CADPS: variants seen among roughly 807,000 people sequenced by gnomAD.
CADPS encodes calcium dependent secretion activator, also known as calcium-dependent secretion activator 1.
CADPS carries 57 observed loss-of-function variants against 167.3 expected under a neutral mutation model. The observed-to-expected ratio is 0.34, with a 90% confidence interval of 0.28 to 0.42. The LOEUF is 0.42. Among genes scored for constraint, CADPS ranks in the 20% least tolerant of loss-of-function variants. CADPS has a pLI of 1.00. For missense variants in CADPS, 1,414 were observed against 1,738.1 expected (o/e 0.81, Z 3.32); for synonymous variants, 676 against 635.3 (o/e 1.06, Z -0.96).
chr3:62,626,669 C>T, intron 6 of CADPS: 1 of 663,810 alleles, frequency 1.5e-6, no homozygotes, highest in Admixed American at 2.2e-5. Context: ...GTTTGGAGTT[C>T]CTTCTGCAGG....
intron 6 of CADPS, among the ~76,000 whole-genome samples, chr3:62,614,054 A>C (rs1443877120): frequency 6.6e-6 from 1 of 152,086 alleles, no homozygotes; most frequent in Non-Finnish European, 1.5e-5. Flanking sequence ...AGATTGTTAA[A>C]CTCAAGGCTG....
intron 1 of CADPS, among the ~76,000 whole-genome samples, chr3:62,845,577 A>C (rs189913166): frequency 6.6e-6 from 1 of 152,314 alleles, no homozygotes; most frequent in East Asian, 1.9e-4. Context: ...GGGGATTTGG[A>C]GGATTTGGAT....
At chr3:62,576,041 A>C (rs2082201392) in intron 8 of CADPS, among the ~76,000 whole-genome samples, 1 of 152,178 alleles carries the variant, frequency 6.6e-6, no homozygotes, top group African/African-American at 2.4e-5. Flanking sequence ...TAGGATACAC[A>C]GTACCTGGAG....
intron 6 of CADPS, among the ~76,000 whole-genome samples, chr3:62,598,983 A>G (rs1011926467): frequency 1.3e-5 from 2 of 152,184 alleles, no homozygotes; most frequent in African/African-American, 2.4e-5. Context: ...AGGAAGCATC[A>G]AAAACCTTGG....
chr3:62,540,982 T>C (rs833673), intron 11 of CADPS, among the ~76,000 whole-genome samples: 14,223 of 152,160 alleles, frequency 0.093, 745 homozygotes, highest in East Asian at 0.18. Flanking sequence ...GATCACTTCC[T>C]TTGCCAATAT....
intron 1 of CADPS, among the ~76,000 whole-genome samples, chr3:62,864,785 C>A (rs552882235): frequency 4.3e-4 from 65 of 152,216 alleles, no homozygotes; most frequent in African/African-American, 1.6e-3. Context: ...AAACCCATAA[C>A]AAGAGCCAAG....
intron 3 of CADPS, among the ~76,000 whole-genome samples, chr3:62,696,798 G>A (rs1580636604): frequency 6.6e-6 from 1 of 151,942 alleles, no homozygotes; most frequent in African/African-American, 2.4e-5. Flanking sequence ...ATCAATTAGG[G>A]GACACAGGAT....
At chr3:62,661,379 A>G (rs780314585) in intron 4 of CADPS, among the ~76,000 whole-genome samples, 5 of 152,128 alleles carry the variant, frequency 3.3e-5, no homozygotes, top group South Asian at 2.1e-4. Context: ...GAGTTTGCTA[A>G]GTGAGGGGAG....
At chr3:62,606,375 A>G (rs1046054269) in intron 6 of CADPS, among the ~76,000 whole-genome samples, 3 of 152,168 alleles carry the variant, frequency 2.0e-5, no homozygotes, top group Non-Finnish European at 2.9e-5. Flanking sequence ...TTAATGGGTT[A>G]TCAAAGAACT....
intron 18 of CADPS, among the ~76,000 whole-genome samples, chr3:62,494,254 A>T (rs965872832): frequency 1.3e-5 from 2 of 152,198 alleles, no homozygotes; most frequent in Admixed American, 6.5e-5. Context: ...GGCTTACTCC[A>T]CTGACTACCT....
At chr3:62,725,344 T>C (rs1049916874) in intron 3 of CADPS, among the ~76,000 whole-genome samples, 22 of 152,236 alleles carry the variant, frequency 1.4e-4, no homozygotes, top group Non-Finnish European at 2.9e-4. Flanking sequence ...ACATGACTAA[T>C]GATTATGGTA....
intron 3 of CADPS, among the ~76,000 whole-genome samples, chr3:62,662,618 T>C (rs2073522504): frequency 6.6e-6 from 1 of 152,212 alleles, no homozygotes; most frequent in African/African-American, 2.4e-5. Flanking sequence ...TTGAACGACC[T>C]TGCAAAAGAA....
intron 7 of CADPS, among the ~76,000 whole-genome samples, chr3:62,590,053 G>C (rs2085590340): frequency 6.6e-6 from 1 of 152,074 alleles, no homozygotes; most frequent in Non-Finnish European, 1.5e-5. Context: ...GCCAGATGTG[G>C]TGGTAGGCAC....
chr3:62,564,902 G>A (rs1284730023), intron 9 of CADPS, among the ~76,000 whole-genome samples: 3 of 151,974 alleles, frequency 2.0e-5, no homozygotes, highest in Non-Finnish European at 4.4e-5. Context: ...ACCATGTCTG[G>A]GCACCAGAAA....
At chr3:62,464,701 T>G (rs2059747544) in intron 26 of CADPS, among the ~76,000 whole-genome samples, 1 of 152,166 alleles carries the variant, frequency 6.6e-6, no homozygotes. Context: ...AATTAGATCA[T>G]ATGTCCCAGA....
intron 3 of CADPS, among the ~76,000 whole-genome samples, chr3:62,665,675 T>C (rs1287017555): frequency 6.6e-6 from 1 of 152,208 alleles, no homozygotes; most frequent in East Asian, 1.9e-4. Flanking sequence ...CTGTCACTTG[T>C]CATGACTGAT....
At chr3:62,847,290 T>G (rs1209752682) in intron 1 of CADPS, among the ~76,000 whole-genome samples, 2 of 150,540 alleles carry the variant, frequency 1.3e-5, no homozygotes, top group East Asian at 1.9e-4. Flanking sequence ...ACTTTTTTTT[T>G]TTTATACTTT....
intron 1 of CADPS, among the ~76,000 whole-genome samples, chr3:62,784,666 A>G (rs1233906371): frequency 2.6e-5 from 4 of 152,228 alleles, no homozygotes; most frequent in Middle Eastern, 3.4e-3. Context: ...ACTATGTTAA[A>G]TAATACCAAC....
chr3:62,556,994 A>AACACACACACACACAC (rs56228621), intron 10 of CADPS, among the ~76,000 whole-genome samples: 1 of 143,558 alleles, frequency 7.0e-6, no homozygotes, highest in Non-Finnish European at 1.5e-5. Context: ...GGTGAAAAAC[A>AACACACACACACACAC]ACACACACAC....
Sources: gnomAD v4.1 joint callset for allele counts (sites outside exome capture counted in the v4.1 genomes callset) on GRCh38, gnomAD v4.1.1 for gene constraint, MANE v1.5 for transcripts, NCBI Gene and HGNC (gene_info 2026-07-23, HGNC 2026-07-21) for gene names.